ARHGAP21: variants seen among roughly 807,000 people sequenced by gnomAD.
ARHGAP21 encodes rho GTPase-activating protein 21.
Under a neutral mutation model 164.6 loss-of-function variants are expected in ARHGAP21, and 38 were observed. That is an observed-to-expected ratio of 0.23 (90% CI 0.18 to 0.30). The LOEUF is 0.30. Among genes scored for constraint, ARHGAP21 ranks in the 10% least tolerant of loss-of-function variants. The probability of loss-of-function intolerance (pLI) is 1.00; values close to 1 mark genes in which losing one functional copy is unlikely to be tolerated. For missense variants in ARHGAP21, 1,822 were observed against 2,370.7 expected (o/e 0.77, Z 4.81); for synonymous variants, 766 against 857.9 (o/e 0.89, Z 1.87).
At chr10:24,650,668 T>C (rs1838070187) in intron 4 of ARHGAP21, among the ~76,000 whole-genome samples, 1 of 152,038 alleles carries the variant, frequency 6.6e-6, no homozygotes, top group Non-Finnish European at 1.5e-5. Context: ...AATACATACG[T>C]GAAAATTTCT....
chr10:24,689,866 GTATA>G (rs997986445), intron 2 of ARHGAP21, among the ~76,000 whole-genome samples: 9 of 148,076 alleles, frequency 6.1e-5, no homozygotes, highest in African/African-American at 2.0e-4. Flanking sequence ...ATATGTATGT[GTATA>G]TATACATGTA....
At chr10:24,713,520 T>C (rs1201863139) in intron 2 of ARHGAP21, among the ~76,000 whole-genome samples, 1 of 152,178 alleles carries the variant, frequency 6.6e-6, no homozygotes, top group Non-Finnish European at 1.5e-5. Flanking sequence ...AATATCAAAT[T>C]TGGGTTCTCA....
intron 2 of ARHGAP21, among the ~76,000 whole-genome samples, chr10:24,709,698 C>CACTGCA (rs890811746): frequency 1.3e-5 from 2 of 150,966 alleles, no homozygotes; most frequent in Non-Finnish European, 2.9e-5. Flanking sequence ...ATGTTCATGT[C>CACTGCA]ACTGCACTGC....
At chr10:24,616,392 T>C (rs1446834918) in intron 9 of ARHGAP21, among the ~76,000 whole-genome samples, 1 of 152,220 alleles carries the variant, frequency 6.6e-6, no homozygotes, top group Non-Finnish European at 1.5e-5. Context: ...AAACTGGGTA[T>C]AGGGAATGGT....
rs1273825756 is a variant in ARHGAP21, at chr10:24,607,606, A to G, written c.2582-5T>C. 8.1e-6 allele frequency: 13 copies of G among 1,613,154 alleles called. No homozygotes were observed. The highest frequency in any genetic ancestry group is 9.3e-6 in the Non-Finnish European group (11 of 1,179,350). ...GGCTAGGAGGGCCAACAGATTCTGT[A>G]ATTAATTAAAATCCAATATTTAGAC... On this transcript the variant is annotated splice_region_variant and splice_polypyrimidine_tract_variant and intron_variant, in intron 10 of 25. Transcript: ENST00000396432.
intron 25 of ARHGAP21, among the ~76,000 whole-genome samples, chr10:24,588,936 A>T (rs947996074): frequency 6.6e-6 from 1 of 152,084 alleles, no homozygotes; most frequent in African/African-American, 2.4e-5. Context: ...GAGTGCTGAT[A>T]ATTACTGGAG....
At chr10:24,656,659 T>C (rs1593189426) in intron 4 of ARHGAP21, among the ~76,000 whole-genome samples, 5 of 79,508 alleles carry the variant, frequency 6.3e-5, no homozygotes, top group Non-Finnish European at 8.1e-5. Flanking sequence ...GAGGAGCCCC[T>C]CTGCCCGGCC....
rs1341975142 is a variant in ARHGAP21, at chr10:24,704,310, A to G, written c.63+17527T>C. Among the ~76,000 whole-genome samples the G allele has an allele frequency of 1.8e-4, 18 of 97,610 alleles. No homozygotes were observed. The South Asian group carries it at 4.4e-3, about 24-fold the overall frequency. 64.0% of individuals were successfully genotyped at this position (97,610 alleles called of 152,430 possible). A position where few individuals can be genotyped will look rare whatever the true frequency, so the allele number is the denominator to read the frequency against. Reference sequence around the variant, plus strand: ...TTTTCTTTTTTTTTTTTTTTTTTTGAGACAGGGTCTCACTCTGTGGCCCAG... The same window carrying G: ...TTTTCTTTTTTTTTTTTTTTTTTTGGGACAGGGTCTCACTCTGTGGCCCAG... On this transcript the variant is annotated intron_variant, in intron 2 of 25. Coordinates refer to ENST00000396432, the MANE Select transcript of ARHGAP21 (RefSeq NM_020824.4).
intron 4 of ARHGAP21, among the ~76,000 whole-genome samples, chr10:24,652,914 A>G (rs1451243781): frequency 6.6e-6 from 1 of 152,228 alleles, no homozygotes; most frequent in East Asian, 1.9e-4. Context: ...CTAGATATAC[A>G]TACCCTCTAG....
chr10:24,703,746 T>G (rs1176769459), intron 2 of ARHGAP21, among the ~76,000 whole-genome samples: 8 of 152,162 alleles, frequency 5.3e-5, no homozygotes, highest in Non-Finnish European at 1.5e-5. Context: ...TGCGACTTGT[T>G]TTCTCTCACC....
chr10:24,610,412 A>G (rs185696485), intron 9 of ARHGAP21, among the ~76,000 whole-genome samples: 157 of 151,978 alleles, frequency 1.0e-3, no homozygotes, highest in African/African-American at 3.0e-3. Context: ...TTTCTTCACT[A>G]AAAGACCCAG....
chr10:24,585,143 C>T lies in ARHGAP21; in HGVS notation c.5146G>A (p.Gly1716Arg), dbSNP rs1377560305. 6.2e-7 allele frequency: 1 copy of T among 1,612,618 alleles called. No individual in the cohort carries two copies. The highest frequency in any genetic ancestry group is 2.2e-5 in the East Asian group (1 of 44,878). Residue 1716 changes from glycine to arginine, a missense_variant, in exon 26 of 26, where the codon GGA becomes AGA. Gly to Arg is a moderately radical substitution (Grantham distance 125, BLOSUM62 -2). This residue lies in a region of ARHGAP21 where 117 missense variants were observed against 193.2 expected (regional missense o/e 0.61). Coordinates refer to ENST00000396432, the MANE Select transcript of ARHGAP21 (RefSeq NM_020824.4). ...TCATTCTTGGCATCTCCTAGACTTC[C>T]ACTATCTGACTTGAATCTAGCTGAT... ...KKSARFKSDS[G>R]SLGDAKNEKE...
At chr10:24,618,214 T>C (rs924309254) in intron 9 of ARHGAP21, among the ~76,000 whole-genome samples, 1 of 152,206 alleles carries the variant, frequency 6.6e-6, no homozygotes, top group African/African-American at 2.4e-5. Flanking sequence ...GCTATACATT[T>C]AACCAGCATT....
intron 6 of ARHGAP21, among the ~76,000 whole-genome samples, chr10:24,631,251 C>T (rs1466169533): frequency 2.4e-4 from 36 of 152,174 alleles, no homozygotes; most frequent in Admixed American, 2.4e-3. Flanking sequence ...GTAATCCCAG[C>T]TTCTCAGGAG....
At chr10:24,607,926 G>A (rs1394240958) in intron 9 of ARHGAP21, 23 bp from the exon 10 acceptor site, 10 of 1,576,118 alleles carry the variant, frequency 6.3e-6, no homozygotes, top group African/African-American at 1.4e-5. Context: ...AGGAAAATCA[G>A]AATGTTCAAT....
At chr10:24,655,561 G>A (rs928971281) in intron 4 of ARHGAP21, among the ~76,000 whole-genome samples, 1 of 152,034 alleles carries the variant, frequency 6.6e-6, no homozygotes, top group African/African-American at 2.4e-5. Context: ...GGCCCCGCGG[G>A]GCCCGAGGGC....
intron 4 of ARHGAP21, among the ~76,000 whole-genome samples, chr10:24,648,003 T>C (rs897338976): frequency 3.9e-5 from 6 of 152,128 alleles, no homozygotes; most frequent in Admixed American, 1.3e-4. Flanking sequence ...CACACCCGGC[T>C]AATTTTTCTA....
chr10:24,692,897 G>T (rs1842863908), intron 2 of ARHGAP21, among the ~76,000 whole-genome samples: 1 of 149,876 alleles, frequency 6.7e-6, no homozygotes, highest in Non-Finnish European at 1.5e-5. Flanking sequence ...TTCACACAAT[G>T]AACTACCATA....
At chr10:24,656,595 C>T (rs1239256068) in intron 4 of ARHGAP21, among the ~76,000 whole-genome samples, 14 of 91,594 alleles carry the variant, frequency 1.5e-4, no homozygotes, top group African/African-American at 5.5e-4. Context: ...CCCAGCCAGC[C>T]GCCCCGTCTG....
Sources: gnomAD v4.1 joint callset for allele counts (sites outside exome capture counted in the v4.1 genomes callset) on GRCh38, gnomAD v4.1.1 for gene constraint, gnomAD v4.1.1 regional missense constraint, MANE v1.5 for transcripts, NCBI Gene and HGNC (gene_info 2026-07-23, HGNC 2026-07-21) for gene names.